ARHGAP28: variants seen among roughly 807,000 people sequenced by gnomAD.
ARHGAP28 encodes Rho GTPase activating protein 28, also known as rho GTPase-activating protein 28.
A neutral mutation model predicts 90.7 loss-of-function variants in ARHGAP28; 56 were observed. The ratio of observed to expected loss-of-function variants is 0.62; its 90% CI spans 0.50 to 0.77. The LOEUF (loss-of-function observed/expected upper bound fraction) is 0.77, where lower values mean the gene tolerates loss of function less well. Ranked by LOEUF, ARHGAP28 falls within the 30% of genes least tolerant of loss-of-function variation. The pLI is 0.00. For missense variants in ARHGAP28, 869 were observed against 900.9 expected, an observed-to-expected ratio of 0.96 and a Z score of 0.45; for synonymous variants, 308 against 323.3, an observed-to-expected ratio of 0.95 and a Z score of 0.51.
chr18:6,735,131 C>T (rs547190774), intron 1 of ARHGAP28, among the ~76,000 whole-genome samples: 40 of 152,266 alleles, frequency 2.6e-4, no homozygotes, highest in African/African-American at 9.1e-4. Context: ...AAGATGGTGA[C>T]TAAAAAGTCA....
At chr18:6,843,743 C>A (rs2056844975) in intron 3 of ARHGAP28, among the ~76,000 whole-genome samples, 1 of 152,032 alleles carries the variant, frequency 6.6e-6, no homozygotes, top group Non-Finnish European at 1.5e-5. Context: ...TTTTTTCTTA[C>A]AATGAAAGTA....
At chr18:6,866,474 T>C (rs1374227884) in intron 5 of ARHGAP28, among the ~76,000 whole-genome samples, 2 of 152,188 alleles carry the variant, frequency 1.3e-5, no homozygotes. Flanking sequence ...TCCTTTTCAT[T>C]ATTCCTTAAG....
At chr18:6,749,630 T>C (rs1453013174) in intron 1 of ARHGAP28, among the ~76,000 whole-genome samples, 1 of 152,188 alleles carries the variant, frequency 6.6e-6, no homozygotes. Flanking sequence ...CATTAGAGTA[T>C]AGCATCACTC....
At chr18:6,842,866 C>T (rs2056838049) in intron 3 of ARHGAP28, among the ~76,000 whole-genome samples, 2 of 151,986 alleles carry the variant, frequency 1.3e-5, no homozygotes, top group Non-Finnish European at 2.9e-5. Flanking sequence ...ATATACCTAC[C>T]ATGTACCCAC....
chr18:6,843,978 T>C lies in ARHGAP28; in HGVS notation c.543+6564T>C, dbSNP rs147702985. On this transcript the variant is annotated intron_variant, in intron 3 of 17. Transcript: ENST00000383472. ...CGGATACATCACGCATGGTTTACAG[T>C]CCTGTTCAGCGTGAGCAGAATTCCA... Among the ~76,000 whole-genome samples, 8 of 152,316 alleles carry C rather than the reference T, an allele frequency of 5.3e-5. No homozygotes were observed. The East Asian group carries it at 1.5e-3, about 29-fold the overall frequency.
At chr18:6,827,710 T>C (rs1242017962) in intron 2 of ARHGAP28, among the ~76,000 whole-genome samples, 2 of 140,384 alleles carry the variant, frequency 1.4e-5, no homozygotes, top group Non-Finnish European at 3.1e-5. Context: ...TCCCAGACGG[T>C]GTGGTTGCCG....
chr18:6,799,917 T>C (rs2056469859), intron 1 of ARHGAP28, among the ~76,000 whole-genome samples: 1 of 151,960 alleles, frequency 6.6e-6, no homozygotes, highest in African/African-American at 2.4e-5. Flanking sequence ...ATCATCAGAG[T>C]GAACAGGCAC....
At chr18:6,745,800 A>G (rs1251340937) in intron 1 of ARHGAP28, among the ~76,000 whole-genome samples, 1 of 152,214 alleles carries the variant, frequency 6.6e-6, no homozygotes, top group African/African-American at 2.4e-5. Flanking sequence ...GAAAGTGCCA[A>G]TAATGTGTAC....
intron 1 of ARHGAP28, among the ~76,000 whole-genome samples, chr18:6,765,698 A>G (rs2143367428): frequency 6.6e-6 from 1 of 152,240 alleles, no homozygotes; most frequent in South Asian, 2.1e-4. Flanking sequence ...CGTAAGATGG[A>G]AGCTTAGATA....
chr18:6,890,126 T>C (rs759229715), intron 13 of ARHGAP28, 41 bp downstream of exon 13: 11 of 1,606,572 alleles, frequency 6.8e-6, no homozygotes, highest in Middle Eastern at 1.7e-4. Context: ...CAGAAGTCCA[T>C]GTCCCCAGGA....
In ARHGAP28 at chr18:6,882,291, T is replaced by C; in HGVS notation, c.1445T>C (p.Leu482Pro). The change falls in exon 11 of 18, where the codon CTA (leucine) becomes CCA (proline). Residue 482 changes from leucine to proline, a missense_variant. Physicochemically the swap from Leu to Pro is moderately conservative, Grantham distance 98. Transcript: ENST00000383472. The stretch of plus-strand genomic sequence containing the variant: ...GAATATATACCTGCCTTCATCAGTC[T>C]AATGGAAAGTAGGTGGAAGACGTTA... ...PVEYIPAFISLMERGPHVKVQ... is the reference protein window; with the variant it reads ...PVEYIPAFISPMERGPHVKVQ... The C allele has an allele frequency of 1.2e-6, 2 of 1,611,478 alleles. No homozygotes were observed. The highest frequency in any genetic ancestry group is 1.7e-6 in the Non-Finnish European group (2 of 1,179,174).
chr18:6,752,950 CT>C (rs74960797), intron 1 of ARHGAP28, among the ~76,000 whole-genome samples: 5 of 149,408 alleles, frequency 3.3e-5, no homozygotes, highest in African/African-American at 1.2e-4. Context: ...ATTGGCAATA[CT>C]TTTTTTTTTC....
chr18:6,829,367 T>A (rs2056698287), intron 2 of ARHGAP28, among the ~76,000 whole-genome samples: 1 of 152,336 alleles, frequency 6.6e-6, no homozygotes, highest in East Asian at 1.9e-4. Context: ...TCTTCTCCAA[T>A]AGTGATAAAC....
At chr18:6,838,478 C>G (rs896462418) in intron 3 of ARHGAP28, among the ~76,000 whole-genome samples, 1 of 152,152 alleles carries the variant, frequency 6.6e-6, no homozygotes, top group Non-Finnish European at 1.5e-5. Context: ...GCCCAGTTAA[C>G]CTTTGCATTT....
chr18:6,833,792 G>A (rs571883176), intron 2 of ARHGAP28, among the ~76,000 whole-genome samples: 24 of 152,032 alleles, frequency 1.6e-4, no homozygotes, highest in Non-Finnish European at 3.4e-4. Context: ...TATCTTGGGA[G>A]GTACCTTCAA....
At chr18:6,835,576 C>T (rs1251831529) in intron 2 of ARHGAP28, among the ~76,000 whole-genome samples, 2 of 152,304 alleles carry the variant, frequency 1.3e-5, no homozygotes, top group East Asian at 3.9e-4. Context: ...AATGCTTTGG[C>T]ATGCTGTTTA....
chr18:6,862,519 C>G (rs564744142), intron 5 of ARHGAP28, among the ~76,000 whole-genome samples: 1 of 152,208 alleles, frequency 6.6e-6, no homozygotes, highest in East Asian at 1.9e-4. Flanking sequence ...GAAATGCCAA[C>G]TTTATGAGAA....
intron 2 of ARHGAP28, among the ~76,000 whole-genome samples, chr18:6,833,577 G>C (rs1210380283): frequency 6.6e-6 from 1 of 152,082 alleles, no homozygotes; most frequent in African/African-American, 2.4e-5. Flanking sequence ...GGGTTTGTCT[G>C]ATGTTTCCCA....
chr18:6,800,632 TCTCA>T (rs2056475110), intron 1 of ARHGAP28, among the ~76,000 whole-genome samples: 1 of 152,162 alleles, frequency 6.6e-6, no homozygotes, highest in African/African-American at 2.4e-5. Flanking sequence ...CACTGCATGT[TCTCA>T]CTCACAAGTG....
Sources: allele counts gnomAD v4.1 joint callset (sites outside exome capture counted in the v4.1 genomes callset), GRCh38; gene constraint gnomAD v4.1.1; transcripts MANE v1.5; gene names NCBI Gene and HGNC (gene_info 2026-07-23, HGNC 2026-07-21).